Variants in ADORA2B observed in about 807,000 individuals in gnomAD.
The protein encoded by ADORA2B is adenosine receptor A2b.
In ADORA2B, 18 loss-of-function variants were observed where a neutral mutation model predicts 20.8. The observed-to-expected ratio is 0.87, with a 90% CI of 0.60 to 1.29. The LOEUF is 1.29. Among genes scored for constraint, ADORA2B ranks in the 50% most tolerant of loss-of-function variants. ADORA2B has a pLI of 0.00. For synonymous variants in ADORA2B, 179 were observed against 178.3 expected (o/e 1.00, Z -0.03); for missense variants, 441 against 422.7 (o/e 1.04, Z -0.38).
At chr17:15,953,655 T>C (rs919250561) in intron 1 of ADORA2B, among the ~76,000 whole-genome samples, 4 of 152,270 alleles carry the variant, frequency 2.6e-5, no homozygotes, top group African/African-American at 9.6e-5. Flanking sequence ...GTGGTGATTA[T>C]ATTTGCTGAC....
At chr17:15,963,393 C>T (rs532687741) in intron 1 of ADORA2B, among the ~76,000 whole-genome samples, 101 of 152,312 alleles carry the variant, frequency 6.6e-4, no homozygotes, top group Middle Eastern at 3.4e-3. Context: ...AGTGCCTTCT[C>T]ATGTACCCCT....
chr17:15,929,695 A>G, the ADORA2B span, among the ~76,000 whole-genome samples: 2 of 152,264 alleles, frequency 1.3e-5, no homozygotes, highest in South Asian at 4.1e-4. Context: ...TAAAAAGGAA[A>G]GAAATTCTGA....
chr17:15,864,918 A>G, the ADORA2B span, among the ~76,000 whole-genome samples: 3 of 150,986 alleles, frequency 2.0e-5, no homozygotes, highest in African/African-American at 7.4e-5. Flanking sequence ...TCAGTGAGGT[A>G]GTGGTGTGGG....
intron 1 of ADORA2B, among the ~76,000 whole-genome samples, chr17:15,961,214 C>G (rs1970035601): frequency 6.6e-6 from 1 of 151,806 alleles, no homozygotes; most frequent in Non-Finnish European, 1.5e-5. Context: ...TTGCATCACC[C>G]TAATACAATA....
the ADORA2B span, among the ~76,000 whole-genome samples, chr17:15,894,593 C>G: frequency 1.3e-5 from 2 of 152,170 alleles, no homozygotes; most frequent in African/African-American, 4.8e-5. Context: ...ACCCAGTAAC[C>G]ACGAGAGTGG....
chr17:15,923,932 G>C, the ADORA2B span, among the ~76,000 whole-genome samples: 1 of 151,774 alleles, frequency 6.6e-6, no homozygotes, highest in Non-Finnish European at 1.5e-5. Flanking sequence ...TTTGTTTTAA[G>C]ACAGAGTTTT....
the ADORA2B span, among the ~76,000 whole-genome samples, chr17:15,935,866 CTT>C: frequency 9.2e-5 from 12 of 130,096 alleles, no homozygotes; most frequent in Non-Finnish European, 1.2e-4. Context: ...TGTTATTGTA[CTT>C]TTTTTTTTTT....
chr17:15,861,674 G>A, the ADORA2B span, among the ~76,000 whole-genome samples: 1 of 152,282 alleles, frequency 6.6e-6, no homozygotes, highest in South Asian at 2.1e-4. Context: ...TTGGCAGAGG[G>A]CAGGACTGCA....
rs76620389 is a variant in ADORA2B, at chr17:15,954,435, C to T, written c.335+8852C>T. On this transcript the variant is annotated intron_variant, in intron 1 of 1. Transcript: ENST00000304222. ...GATCACCCAGCTTCTTAATCACCCT[C>T]ATGCTGAGCCTCCTCACCCCTTTGC... 3.3e-5 allele frequency among the ~76,000 whole-genome samples: 5 copies of T among 152,346 alleles called. No individual in the cohort carries two copies. The East Asian group carries it at 9.7e-4, about 29-fold the overall frequency.
chr17:15,894,377 C>G, the ADORA2B span, among the ~76,000 whole-genome samples: 1 of 152,204 alleles, frequency 6.6e-6, no homozygotes, highest in Non-Finnish European at 1.5e-5. Flanking sequence ...GCAGTGATGT[C>G]AAAATCGGTG....
chr17:15,891,172 A>G, the ADORA2B span, among the ~76,000 whole-genome samples: 1 of 152,236 alleles, frequency 6.6e-6, no homozygotes, highest in Non-Finnish European at 1.5e-5. Context: ...AGGCTGAGGC[A>G]GGAGAATCGC....
the ADORA2B span, among the ~76,000 whole-genome samples, chr17:15,882,768 C>A: frequency 1.6e-4 from 18 of 114,378 alleles, no homozygotes; most frequent in African/African-American, 5.8e-4. Context: ...AGAACGTGTC[C>A]TCCTTCTGGA....
At chr17:15,895,281 G>C in the ADORA2B span, among the ~76,000 whole-genome samples, 49,923 of 152,080 alleles carry the variant, frequency 0.33, 8,902 homozygotes, top group African/African-American at 0.47. Flanking sequence ...CATGCCTATC[G>C]AATTTGACAC....
the ADORA2B span, among the ~76,000 whole-genome samples, chr17:15,884,952 G>A: frequency 1.3e-5 from 2 of 152,008 alleles, no homozygotes; most frequent in Non-Finnish European, 2.9e-5. Flanking sequence ...GAGATTGCTG[G>A]GTCAAATGGT....
the ADORA2B span, among the ~76,000 whole-genome samples, chr17:15,890,574 A>G: frequency 6.7e-6 from 1 of 150,352 alleles, no homozygotes; most frequent in Non-Finnish European, 1.5e-5. Flanking sequence ...TCTTTTTATA[A>G]TGTTGTAATT....
chr17:15,959,478 C>A (rs1970008936), intron 1 of ADORA2B, among the ~76,000 whole-genome samples: 1 of 148,464 alleles, frequency 6.7e-6, no homozygotes, highest in Admixed American at 6.8e-5. Flanking sequence ...TACACTGGCA[C>A]AATGATCACA....
chr17:15,924,611 A>G, the ADORA2B span, among the ~76,000 whole-genome samples: 3 of 151,958 alleles, frequency 2.0e-5, no homozygotes, highest in Admixed American at 6.6e-5. Flanking sequence ...GTGGTGGTGG[A>G]TGCCTGTAGT....
rs201752442 is a variant in ADORA2B, at chr17:15,945,595, G to A, written c.335+12G>A. On this transcript the variant is annotated intron_variant, in intron 1 of 1. Coordinates refer to ENST00000304222, the MANE Select transcript of ADORA2B (RefSeq NM_000676.4). ...TGTGTCCCGCTCAGGTGAGGCGCTC[G>A]GCGTCGCCCGAACTCGGGGCCCCGT... 6.7e-4 allele frequency: 973 copies of A among 1,461,190 alleles called. No individual in the cohort carries two copies. The highest frequency in any genetic ancestry group is 1.3e-3 in the South Asian group (95 of 70,904). 90.5% of individuals were successfully genotyped at this position (1,461,190 alleles called of 1,614,324 possible).
chr17:15,891,103 CTAAAAAT>C, the ADORA2B span, among the ~76,000 whole-genome samples: 1 of 152,140 alleles, frequency 6.6e-6, no homozygotes, highest in South Asian at 2.1e-4. Flanking sequence ...CCCATCTCTA[CTAAAAAT>C]TAAAAATTAG....
Sources: gnomAD v4.1 joint callset for allele counts (sites outside exome capture counted in the v4.1 genomes callset) on GRCh38, gnomAD v4.1.1 for gene constraint, MANE v1.5 for transcripts, NCBI Gene and HGNC (gene_info 2026-07-23, HGNC 2026-07-21) for gene names.